The following YJU2 variants were observed in gnomAD, a reference collection of about 807,000 sequenced individuals.
The protein encoded by YJU2 is splicing factor YJU2.
In YJU2, 28 loss-of-function variants were observed where a neutral mutation model predicts 39.6. The observed-to-expected ratio is 0.71, with a 90% CI of 0.52 to 0.97. YJU2 has a LOEUF of 0.97. YJU2 is among the 50% of genes least tolerant of loss of function. The pLI is 0.00. For missense variants in YJU2, 328 were observed against 430.4 expected (o/e 0.76, Z 2.11); for synonymous variants, 184 against 182.4 (o/e 1.01, Z -0.07).
chr19:4,247,332 C>T (rs1220641647), intron 1 of YJU2, 162 bp downstream of exon 1: 2 of 609,304 alleles, frequency 3.3e-6, no homozygotes, highest in Non-Finnish European at 5.7e-6. Context: ...TCCCCATCGC[C>T]TTCCGTCGGG....
At chr19:4,267,797 G>T in intron 7 of YJU2, 23 bp downstream of exon 7, 2 of 1,598,478 alleles carry the variant, frequency 1.3e-6, no homozygotes, top group Non-Finnish European at 1.7e-6. Flanking sequence ...AGTTCCCAGA[G>T]CCGGGCGCGG....
chr19:4,267,600 C>G, intron 6 of YJU2, 24 bp from the exon 7 acceptor site: 1 of 1,608,336 alleles, frequency 6.2e-7, no homozygotes, highest in Non-Finnish European at 8.5e-7. Flanking sequence ...GCCAGACCCC[C>G]ACATGTGTCC....
chr19:4,254,720 G>C (rs1195155610), intron 4 of YJU2, among the ~76,000 whole-genome samples: 1 of 151,760 alleles, frequency 6.6e-6, no homozygotes, highest in Non-Finnish European at 1.5e-5. Context: ...AGGAGTCCTA[G>C]ACCAGCCTGG....
intron 3 of YJU2, among the ~76,000 whole-genome samples, chr19:4,252,947 T>C (rs1271845027): frequency 6.6e-6 from 1 of 151,864 alleles, no homozygotes; most frequent in Non-Finnish European, 1.5e-5. Flanking sequence ...ACAAAAACTT[T>C]TTTTGAAATA....
chr19:4,249,460 A>G, intron 2 of YJU2, 132 bp downstream of exon 2: 1 of 613,354 alleles, frequency 1.6e-6, no homozygotes, highest in Non-Finnish European at 2.9e-6. Context: ...TCAGACATTG[A>G]CCATTCCAAC....
rs757959253 is a variant in YJU2, at chr19:4,249,344, G to A, written c.125+16G>A. The A allele has an allele frequency of 1.9e-6, 3 of 1,553,006 alleles. No homozygotes were observed. The highest frequency in any genetic ancestry group is 2.7e-6 in the Non-Finnish European group (3 of 1,126,570). On this transcript the variant is annotated intron_variant, in intron 2 of 7. Coordinates refer to ENST00000262962, the MANE Select transcript of YJU2 (RefSeq NM_018074.6). ...TCAACATGAGGTGAGCACCCCCTGC[G>A]TGACCCCACACACCAGTCATGGCTG...
intron 4 of YJU2, among the ~76,000 whole-genome samples, chr19:4,255,268 G>A (rs1039548962): frequency 1.3e-5 from 2 of 151,818 alleles, no homozygotes; most frequent in Admixed American, 6.6e-5. Flanking sequence ...CTTCCAATAG[G>A]ACAATTTTGT....
chr19:4,250,810 G>A (rs3826912), intron 2 of YJU2, among the ~76,000 whole-genome samples: 1 of 151,952 alleles, frequency 6.6e-6, no homozygotes, highest in African/African-American at 2.4e-5. Context: ...CCAAGCAGGC[G>A]ACCCTTGGAC....
At chr19:4,255,024 C>G (rs1419856282) in intron 4 of YJU2, among the ~76,000 whole-genome samples, 2 of 149,606 alleles carry the variant, frequency 1.3e-5, no homozygotes, top group African/African-American at 5.0e-5. Context: ...CCACTGCACT[C>G]CAGCCTGGGT....
At chr19:4,255,877 C>CGCGCCT (rs1362153568) in intron 4 of YJU2, among the ~76,000 whole-genome samples, 2 of 151,238 alleles carry the variant, frequency 1.3e-5, no homozygotes, top group African/African-American at 4.9e-5. Context: ...CGTGGTGGCA[C>CGCGCCT]GCGCCTATAA....
At chr19:4,263,594 G>A (rs1971089834) in intron 6 of YJU2, among the ~76,000 whole-genome samples, 1 of 152,040 alleles carries the variant, frequency 6.6e-6, no homozygotes, top group African/African-American at 2.4e-5. Context: ...CGGATCATCT[G>A]AGGTCAGGAG....
Position 4,247,558 on chromosome 19 carries a change from TGGGTGGGGTG to T in YJU2, c.24+400_24+409del, listed in dbSNP as rs1216522210. Among the ~76,000 whole-genome samples, 30 of 54,132 alleles carry T rather than the reference TGGGTGGGGTG, an allele frequency of 5.5e-4. 4 individuals are homozygous for T. The highest frequency in any genetic ancestry group is 3.7e-3 in the African/African-American group (25 of 6,800). The allele number at this position is 54,132 out of a possible 152,430, so 35.5% of individuals were successfully genotyped here. On this transcript the variant is annotated intron_variant, in intron 1 of 7. Transcript: ENST00000262962. ...GGGGACTGTAACCAATCGTGTACTT[TGGGTGGGGTG>T]GGGTGGGGTGGCGCGTGTGTGTGTG... is the stretch of plus-strand genomic sequence containing the variant.
At chr19:4,266,450 C>T (rs10420917) in intron 6 of YJU2, among the ~76,000 whole-genome samples, 56,569 of 151,896 alleles carry the variant, frequency 0.37, 11,241 homozygotes, top group East Asian at 0.52. Context: ...GCCAAGCACT[C>T]GCTTGGTGAA....
chr19:4,256,934 T>G (rs574896273), intron 4 of YJU2, among the ~76,000 whole-genome samples: 3 of 152,302 alleles, frequency 2.0e-5, no homozygotes, highest in African/African-American at 7.2e-5. Context: ...CATATTCCAT[T>G]AGAGCAAGTA....
chr19:4,248,929 A>C (rs967341640), intron 1 of YJU2, among the ~76,000 whole-genome samples: 2 of 152,158 alleles, frequency 1.3e-5, no homozygotes, highest in Non-Finnish European at 2.9e-5. Flanking sequence ...CAGAACAAAA[A>C]CAAAAACAAA....
At position 4,268,644 on chromosome 19, in the gene YJU2, T is replaced by C; in HGVS notation, c.920T>C (p.Leu307Pro). The C allele has an allele frequency of 6.2e-7, 1 of 1,613,924 alleles. No individual in the cohort carries two copies. The highest frequency in any genetic ancestry group is 1.3e-5 in the African/African-American group (1 of 75,068). ...PTPLTPGASS[L>P]SQLGAYLDSD... ...CCCCTGACGCCTGGCGCGTCCTCCCTGAGCCAACTGGGTGCATACCTGGAC... is the reference window on the plus strand; with the variant it reads ...CCCCTGACGCCTGGCGCGTCCTCCCCGAGCCAACTGGGTGCATACCTGGAC... Residue 307 changes from leucine (L) to proline (P), a missense_variant, in exon 8 of 8, where the codon CTG (leucine) becomes CCG (proline). Coordinates refer to ENST00000262962, the MANE Select transcript of YJU2 (RefSeq NM_018074.6).
chr19:4,247,437 G>A (rs987390669), intron 1 of YJU2: 1 of 361,112 alleles, frequency 2.8e-6, no homozygotes, highest in Non-Finnish European at 4.6e-6. Context: ...CCACCAGATA[G>A]GGTTTTTTTT....
At chr19:4,255,445 G>A (rs979584134) in intron 4 of YJU2, among the ~76,000 whole-genome samples, 2 of 151,768 alleles carry the variant, frequency 1.3e-5, no homozygotes, top group African/African-American at 2.4e-5. Context: ...TTAGCCAGGT[G>A]CTTGCCAGGC....
intron 1 of YJU2, among the ~76,000 whole-genome samples, chr19:4,247,804 C>G (rs1297657812): frequency 6.6e-6 from 1 of 151,546 alleles, no homozygotes; most frequent in African/African-American, 2.4e-5. Context: ...TGACAGTGGC[C>G]AAGATTCCAG....
Sources: gnomAD v4.1 joint callset for allele counts (sites outside exome capture counted in the v4.1 genomes callset) on GRCh38, gnomAD v4.1.1 for gene constraint, MANE v1.5 for transcripts, NCBI Gene and HGNC (gene_info 2026-07-23, HGNC 2026-07-21) for gene names.